Variants in ARPP21 observed in about 807,000 individuals in gnomAD.
The protein encoded by ARPP21 is cAMP-regulated phosphoprotein 21.
A neutral mutation model predicts 113.2 loss-of-function variants in ARPP21; 69 were observed. That is an observed-to-expected ratio of 0.61 (90% CI 0.50 to 0.74). The LOEUF is 0.74. ARPP21 is among the 30% of genes least tolerant of loss of function. The pLI, the probability that ARPP21 is intolerant of heterozygous loss-of-function variation, is 0.00. For synonymous variants in ARPP21, 368 were observed against 375.5 expected (o/e 0.98, Z 0.23); for missense variants, 1,070 against 1,037.4 (o/e 1.03, Z -0.43).
intron 13 of ARPP21, among the ~76,000 whole-genome samples, 160 bp downstream of exon 13, chr3:35,717,517 G>T (rs939776383): frequency 6.6e-6 from 1 of 152,000 alleles, no homozygotes; most frequent in African/African-American, 2.4e-5. Context: ...AAGTCATATT[G>T]GGTAGTATGA....
intron 1 of ARPP21, among the ~76,000 whole-genome samples, chr3:35,670,869 G>A (rs753126114): frequency 2.6e-5 from 4 of 152,134 alleles, no homozygotes; most frequent in African/African-American, 4.8e-5. Context: ...ACAACAGTTG[G>A]AAGATACACT....
At chr3:35,652,907 C>G (rs146746597) in intron 1 of ARPP21, among the ~76,000 whole-genome samples, 60 of 152,132 alleles carry the variant, frequency 3.9e-4, no homozygotes, top group African/African-American at 1.3e-3. Flanking sequence ...CTCTGAATTA[C>G]CTTGTTTCTC....
chr3:35,773,035 T>G (rs1197891195), intron 19 of ARPP21, among the ~76,000 whole-genome samples: 1 of 152,182 alleles, frequency 6.6e-6, no homozygotes, highest in African/African-American at 2.4e-5. Flanking sequence ...GGCCATATCT[T>G]GAGCATAAGC....
At chr3:35,652,177 T>G (rs560206748) in intron 1 of ARPP21, among the ~76,000 whole-genome samples, 2 of 152,236 alleles carry the variant, frequency 1.3e-5, no homozygotes, top group South Asian at 4.1e-4. Context: ...AGATTGTAGT[T>G]CTGGTGGTGA....
chr3:35,662,591 A>G (rs1708318807), intron 1 of ARPP21, among the ~76,000 whole-genome samples: 1 of 152,182 alleles, frequency 6.6e-6, no homozygotes, highest in African/African-American at 2.4e-5. Flanking sequence ...TCCTGCAGAA[A>G]GCTCTGCCAC....
At chr3:35,692,913 T>C (rs2082661204) in intron 9 of ARPP21, among the ~76,000 whole-genome samples, 1 of 151,742 alleles carries the variant, frequency 6.6e-6, no homozygotes, top group Non-Finnish European at 1.5e-5. Flanking sequence ...ATTGATCAGC[T>C]CTTTTTAAAT....
chr3:35,641,528 T>G (rs1698082302), intron 1 of ARPP21: 1 of 152,224 alleles, frequency 6.6e-6, no homozygotes, highest in Non-Finnish European at 1.5e-5. Context: ...AAGATTTTAG[T>G]TAATGTCATT....
chr3:35,679,138 C>T (rs1354951004), intron 1 of ARPP21, among the ~76,000 whole-genome samples: 2 of 151,800 alleles, frequency 1.3e-5, no homozygotes, highest in Non-Finnish European at 2.9e-5. Flanking sequence ...GTGGCAATCC[C>T]GATGGGGAGG....
chr3:35,730,815 CAT>C lies in ARPP21; in HGVS notation c.1459+1282_1459+1283del, dbSNP rs1364226130. Among the ~76,000 whole-genome samples, 9 of 152,312 alleles carry C rather than the reference CAT, an allele frequency of 5.9e-5. No individual in the cohort carries two copies. In the South Asian group the frequency reaches 6.2e-4, roughly 11 times the overall value. On this transcript the variant is annotated intron_variant, in intron 15 of 20. Coordinates refer to ENST00000684406, the MANE Select transcript of ARPP21 (RefSeq NM_001385562.1). ...GAATAATTGCCACATTTTCATAAAA[CAT>C]ATGGCACATTCCCAAGTCATGGTGT...
intron 11 of ARPP21, 21 bp downstream of exon 11, chr3:35,709,091 C>T: frequency 6.5e-7 from 1 of 1,528,706 alleles, no homozygotes; most frequent in Non-Finnish European, 9.1e-7. Context: ...GTTTTAATTG[C>T]CTCTTTAGTG....
At chr3:35,774,689 A>T (rs901003364) in intron 19 of ARPP21, 1 of 152,208 alleles carries the variant, frequency 6.6e-6, no homozygotes, top group African/African-American at 2.4e-5. Context: ...GAGAAATTTT[A>T]TTCAAATTGC....
intron 9 of ARPP21, among the ~76,000 whole-genome samples, chr3:35,701,993 C>T (rs1419518353): frequency 1.3e-5 from 2 of 151,610 alleles, no homozygotes; most frequent in South Asian, 4.2e-4. Context: ...TAATTGGATG[C>T]AAACCACTAC....
chr3:35,700,583 C>T (rs1353642092), intron 9 of ARPP21, among the ~76,000 whole-genome samples: 4 of 151,056 alleles, frequency 2.6e-5, no homozygotes, highest in African/African-American at 9.7e-5. Context: ...TAAGAAAAGC[C>T]TGAGATTAGA....
chr3:35,779,563 A>G (rs917306732), intron 19 of ARPP21, among the ~76,000 whole-genome samples: 4 of 148,964 alleles, frequency 2.7e-5, no homozygotes, highest in African/African-American at 1.0e-4. Flanking sequence ...CTCAAGATAA[A>G]TGAATGTAGG....
chr3:35,687,932 A>T, intron 6 of ARPP21, 49 bp downstream of exon 6: 1 of 1,532,208 alleles, frequency 6.5e-7, no homozygotes, highest in Non-Finnish European at 8.8e-7. Flanking sequence ...GCACACACAT[A>T]GTCACAGAAC....
At chr3:35,744,324 A>G (rs1243063627) in intron 19 of ARPP21, among the ~76,000 whole-genome samples, 5 of 151,472 alleles carry the variant, frequency 3.3e-5, no homozygotes, top group East Asian at 2.0e-4. Flanking sequence ...TCTTAAGGCT[A>G]GGGAACCAAA....
At chr3:35,760,190 C>T (rs1295216727) in intron 19 of ARPP21, among the ~76,000 whole-genome samples, 2 of 152,028 alleles carry the variant, frequency 1.3e-5, no homozygotes, top group African/African-American at 4.8e-5. Context: ...CCCTTGTTGT[C>T]GTTGTTGGTT....
At chr3:35,663,055 G>A (rs886137385) in intron 1 of ARPP21, among the ~76,000 whole-genome samples, 1 of 151,992 alleles carries the variant, frequency 6.6e-6, no homozygotes, top group African/African-American at 2.4e-5. Context: ...GTACTCAGGC[G>A]ATGGACACCC....
At chr3:35,728,920 A>G (rs1387293821) in intron 14 of ARPP21, among the ~76,000 whole-genome samples, 1 of 152,050 alleles carries the variant, frequency 6.6e-6, no homozygotes, top group East Asian at 1.9e-4. Flanking sequence ...CTGTCATTTT[A>G]TTCATATTTT....
Sources: allele counts gnomAD v4.1 joint callset (sites outside exome capture counted in the v4.1 genomes callset), GRCh38; gene constraint gnomAD v4.1.1; transcripts MANE v1.5; gene names NCBI Gene and HGNC (gene_info 2026-07-23, HGNC 2026-07-21).